Variants in MLLT10 observed in about 807,000 individuals in gnomAD.
The protein encoded by MLLT10 is MLLT10 histone lysine methyltransferase DOT1L cofactor, also known as protein AF-10.
MLLT10 carries 30 observed loss-of-function variants against 129.1 expected under a neutral mutation model. That is an observed-to-expected ratio of 0.23 (90% CI 0.17 to 0.32). MLLT10 has a LOEUF of 0.32. Ranked by LOEUF, MLLT10 falls within the 10% of genes least tolerant of loss-of-function variation. The pLI, the probability that MLLT10 is intolerant of heterozygous loss-of-function variation, is 1.00. For missense variants in MLLT10, 1,119 were observed against 1,268.3 expected (o/e 0.88, Z 1.79); for synonymous variants, 490 against 446.4 (o/e 1.10, Z -1.23).
intron 13 of MLLT10, among the ~76,000 whole-genome samples, chr10:21,687,696 G>A (rs997745136): frequency 9.2e-5 from 14 of 152,182 alleles, no homozygotes; most frequent in African/African-American, 1.9e-4. Flanking sequence ...GGCCTTGGGC[G>A]TAGTAAAGAG....
At chr10:21,573,814 G>A (rs1228275606) in intron 3 of MLLT10, among the ~76,000 whole-genome samples, 1 of 152,010 alleles carries the variant, frequency 6.6e-6, no homozygotes, top group Non-Finnish European at 1.5e-5. Context: ...CTTGGCCTCC[G>A]AAAGTGCTGG....
rs2057643172 is a variant in MLLT10 at position 21,727,844 on chromosome 10, T to A, written c.1991-12T>A. The A allele has an allele frequency of 6.2e-7, 1 of 1,611,290 alleles. No homozygotes were observed. Among genetic ancestry groups the A allele is most frequent in the Non-Finnish European group, 8.5e-7 (1 of 1,177,844 alleles). On this transcript the variant is annotated splice_polypyrimidine_tract_variant and intron_variant, in intron 15 of 22. Coordinates refer to ENST00000307729, the MANE Select transcript of MLLT10 (RefSeq NM_001195626.3). Reference sequence around the variant, plus strand: ...GAGTCACTTTATCAGCTCTGAAATATTTACACTACAGATCAAGATCTTGGA... The same window carrying A: ...GAGTCACTTTATCAGCTCTGAAATAATTACACTACAGATCAAGATCTTGGA...
At position 21,712,203 on chromosome 10, in the gene MLLT10, C is replaced by CATTTATTTATTTATTTATTTATTT. The variant is rs60779896; in HGVS notation, c.1700-1549_1700-1548insATTTATTTATTTATTTATTTATTT. 4.5e-3 allele frequency among the ~76,000 whole-genome samples: 675 copies of CATTTATTTATTTATTTATTTATTT among 150,232 alleles called. 6 individuals are homozygous for CATTTATTTATTTATTTATTTATTT. Among genetic ancestry groups the CATTTATTTATTTATTTATTTATTT allele is most frequent in the African/African-American group, 0.015 (629 of 40,910 alleles). Reference sequence around the variant, plus strand: ...AATTTATTATATAAGTCAATAACTTCATTTATTTATTTATTTATTTTTAAA... The same window carrying CATTTATTTATTTATTTATTTATTT: ...AATTTATTATATAAGTCAATAACTTCATTTATTTATTTATTTATTTATTTATTTATTTATTTATTTATTTTTAAA... On this transcript the variant is annotated intron_variant, in intron 13 of 22. Transcript: ENST00000307729.
chr10:21,654,210 G>A (rs1012966065), intron 9 of MLLT10, among the ~76,000 whole-genome samples: 1 of 152,202 alleles, frequency 6.6e-6, no homozygotes, highest in Admixed American at 6.5e-5. Context: ...GTCAGACAGT[G>A]TGTGTAAATG....
chr10:21,610,325 C>G lies in MLLT10; in HGVS notation c.406-2023C>G, dbSNP rs2044475014. Among the ~76,000 whole-genome samples, 3 of 152,156 alleles carry G rather than the reference C, an allele frequency of 2.0e-5. No homozygotes were observed. The South Asian group carries it at 6.2e-4, about 31-fold the overall frequency. On this transcript the variant is annotated intron_variant, in intron 5 of 22. Transcript: ENST00000307729. ...GCAGCCTGGCCGTCATAGGGTAAAA[C>G]TATAGTCCTAGACTAGAAGCTGAGT...
intron 8 of MLLT10, among the ~76,000 whole-genome samples, chr10:21,639,706 G>T (rs1333243613): frequency 6.6e-5 from 10 of 152,004 alleles, no homozygotes; most frequent in Admixed American, 2.0e-4. Flanking sequence ...ACCCAAGCAG[G>T]CCTGTATGTT....
chr10:21,538,732 C>G (rs1214948899), intron 2 of MLLT10, 101 bp from the exon 3 acceptor site: 4 of 774,002 alleles, frequency 5.2e-6, no homozygotes, highest in Admixed American at 2.2e-5. Flanking sequence ...AGGTAGTTTA[C>G]TTGAATAGTG....
At chr10:21,570,654 T>G (rs1168261350) in intron 3 of MLLT10, among the ~76,000 whole-genome samples, 1 of 152,030 alleles carries the variant, frequency 6.6e-6, no homozygotes, top group Non-Finnish European at 1.5e-5. Flanking sequence ...AGTGTATTTT[T>G]CATCTTAGAC....
intron 3 of MLLT10, among the ~76,000 whole-genome samples, chr10:21,575,178 CTTATTTTATT>C (rs770106739): frequency 0.012 from 1,818 of 151,694 alleles, 31 homozygotes; most frequent in African/African-American, 0.041. Context: ...TAGAACCCTA[CTTATTTTATT>C]TTATTTTATT....
chr10:21,556,688 C>T (rs961037865), intron 3 of MLLT10: 3 of 1,612,578 alleles, frequency 1.9e-6, no homozygotes, highest in African/African-American at 1.3e-5. Flanking sequence ...AAACGTCACT[C>T]CTGGATACAT....
At chr10:21,669,030 T>C (rs560789485) in intron 9 of MLLT10, 1 of 1,382,228 alleles carries the variant, frequency 7.2e-7, no homozygotes, top group Non-Finnish European at 9.6e-7. Flanking sequence ...CTGCCCAGCA[T>C]GGAAAAGGTT....
At chr10:21,721,652 T>C (rs1224022715) in intron 14 of MLLT10, among the ~76,000 whole-genome samples, 1 of 152,180 alleles carries the variant, frequency 6.6e-6, no homozygotes, top group Non-Finnish European at 1.5e-5. Flanking sequence ...GGTATGCCAG[T>C]CTACTTAGGA....
At chr10:21,539,550 T>A (rs1588770241) in intron 3 of MLLT10, among the ~76,000 whole-genome samples, 1 of 142,302 alleles carries the variant, frequency 7.0e-6, no homozygotes, top group Admixed American at 7.1e-5. Flanking sequence ...GAGGCGGGAG[T>A]ATCTCGAGGT....
chr10:21,647,800 C>T (rs188475849), intron 8 of MLLT10, among the ~76,000 whole-genome samples: 9 of 151,294 alleles, frequency 5.9e-5, no homozygotes, highest in African/African-American at 1.2e-4. Flanking sequence ...TTAATTTTAC[C>T]GTCTTCCCAG....
chr10:21,575,897 C>G (rs569859514), intron 3 of MLLT10, among the ~76,000 whole-genome samples: 26 of 152,106 alleles, frequency 1.7e-4, no homozygotes, highest in Admixed American at 1.0e-3. Context: ...ACTATGTAGC[C>G]ACTCACCATC....
intron 3 of MLLT10, among the ~76,000 whole-genome samples, chr10:21,553,413 C>T (rs1203723615): frequency 6.6e-6 from 1 of 151,586 alleles, no homozygotes; most frequent in African/African-American, 2.4e-5. Flanking sequence ...ACAACCTCTG[C>T]ATCCCGGGTT....
At position 21,606,771 on chromosome 10, in the gene MLLT10, T is replaced by C. The variant is rs187749564; in HGVS notation, c.406-5577T>C. ...AGATAGAATCTATTTCCTCTGAAGA[T>C]GGTGTAAACATTGTTGAAATGACAA... On this transcript the variant is annotated intron_variant, in intron 5 of 22. Coordinates refer to ENST00000307729, the MANE Select transcript of MLLT10 (RefSeq NM_001195626.3). Among the ~76,000 whole-genome samples, 14 of 152,314 alleles carry C rather than the reference T, an allele frequency of 9.2e-5. No individual in the cohort carries two copies. The East Asian group carries it at 2.5e-3, about 27-fold the overall frequency.
intron 16 of MLLT10, among the ~76,000 whole-genome samples, chr10:21,729,183 GA>G (rs2057757248): frequency 6.6e-6 from 1 of 152,032 alleles, no homozygotes; most frequent in Admixed American, 6.6e-5. Context: ...TTTATGCTGT[GA>G]TTAATTCTAT....
intron 5 of MLLT10, among the ~76,000 whole-genome samples, chr10:21,608,338 T>A (rs2044267362): frequency 6.6e-6 from 1 of 151,774 alleles, no homozygotes; most frequent in Non-Finnish European, 1.5e-5. Context: ...CCTGGATAAT[T>A]TTTTTCTTTT....
Sources: allele counts gnomAD v4.1 joint callset (sites outside exome capture counted in the v4.1 genomes callset), GRCh38; gene constraint gnomAD v4.1.1; transcripts MANE v1.5; gene names NCBI Gene and HGNC (gene_info 2026-07-23, HGNC 2026-07-21).